Variants in LRRC49 observed in about 807,000 individuals in gnomAD.
LRRC49 encodes leucine-rich repeat-containing protein 49.
LRRC49 carries 50 observed loss-of-function variants against 83.3 expected under a neutral mutation model. The ratio of observed to expected loss-of-function variants is 0.60; its 90% CI spans 0.48 to 0.76. The LOEUF (loss-of-function observed/expected upper bound fraction) is 0.76. LRRC49 is among the 30% of genes least tolerant of loss of function. The pLI is 0.00. For synonymous variants in LRRC49, 286 were observed against 283.3 expected (o/e 1.01, Z -0.10); for missense variants, 704 against 809.1 (o/e 0.87, Z 1.58).
At position 71,053,286 on chromosome 15, in the gene LRRC49, G is replaced by C. The variant is rs2040015028; in HGVS notation, c.*3674G>C. 1 of 152,166 alleles carries C rather than the reference G, an allele frequency of 6.6e-6. No individual in the cohort carries two copies. The highest frequency in any genetic ancestry group is 1.5e-5 in the Non-Finnish European group (1 of 68,028). 9.4% of individuals were successfully genotyped at this position (152,166 alleles called of 1,614,324 possible). A position where few individuals can be genotyped will look rare whatever the true frequency, so the allele number is the denominator to read the frequency against. On this transcript the variant is annotated 3_prime_UTR_variant, in exon 16 of 16. Coordinates refer to ENST00000260382, the MANE Select transcript of LRRC49 (RefSeq NM_017691.5). Reference sequence around the variant, plus strand: ...TGACAGAACTGGATATGGAGTATGAGAAACAGTAGTCAATGATGGCCACAA... The same window carrying C: ...TGACAGAACTGGATATGGAGTATGACAAACAGTAGTCAATGATGGCCACAA...
intron 15 of LRRC49, among the ~76,000 whole-genome samples, chr15:71,045,943 C>G (rs1248238414): frequency 6.6e-6 from 1 of 152,128 alleles, no homozygotes. Flanking sequence ...GAATATGCAG[C>G]ATTTGGTTTT....
At chr15:71,016,845 C>T (rs1285434107) in intron 14 of LRRC49, among the ~76,000 whole-genome samples, 1 of 152,178 alleles carries the variant, frequency 6.6e-6, no homozygotes, top group Non-Finnish European at 1.5e-5. Context: ...GTGGCTCACG[C>T]CTGTAGTCCC....
At chr15:70,976,606 A>G (rs923431930) in intron 9 of LRRC49, among the ~76,000 whole-genome samples, 3 of 152,182 alleles carry the variant, frequency 2.0e-5, no homozygotes, top group Non-Finnish European at 4.4e-5. Context: ...GCATGGCTTA[A>G]TTGACTTGAA....
intron 2 of LRRC49, chr15:70,882,715 G>A (rs1231027588): frequency 3.1e-6 from 5 of 1,612,240 alleles, no homozygotes; most frequent in South Asian, 1.1e-5. Flanking sequence ...TTTAATATAC[G>A]AAAGATCAAT....
chr15:70,944,696 C>T (rs77151411), intron 8 of LRRC49, among the ~76,000 whole-genome samples: 2,500 of 152,258 alleles, frequency 0.016, 28 homozygotes, highest in Non-Finnish European at 0.024. Flanking sequence ...TGAGCCACTG[C>T]GCCCGGCCTA....
intron 11 of LRRC49, among the ~76,000 whole-genome samples, chr15:70,996,351 A>AT (rs1425801969): frequency 6.6e-6 from 1 of 152,124 alleles, no homozygotes; most frequent in Non-Finnish European, 1.5e-5. Context: ...TATACCTTGC[A>AT]TTTTATCTAA....
chr15:71,030,848 CTG>C (rs1383014779), intron 14 of LRRC49, among the ~76,000 whole-genome samples: 1 of 151,948 alleles, frequency 6.6e-6, no homozygotes, highest in East Asian at 1.9e-4. Context: ...AGTTCTCGTG[CTG>C]TGTTTTTCAG....
At chr15:70,914,519 G>T (rs1476398316) in intron 6 of LRRC49, among the ~76,000 whole-genome samples, 1 of 152,120 alleles carries the variant, frequency 6.6e-6, no homozygotes, top group East Asian at 1.9e-4. Flanking sequence ...CAATAATCTT[G>T]GCGAGAAGTG....
chr15:70,990,655 C>G (rs1385406950), intron 11 of LRRC49, among the ~76,000 whole-genome samples: 2 of 152,212 alleles, frequency 1.3e-5, no homozygotes, highest in Non-Finnish European at 2.9e-5. Context: ...CCTGCGCCCA[C>G]TGTCTGGCAC....
chr15:70,877,702 G>T lies in LRRC49; in HGVS notation c.18+4479G>T, dbSNP rs185060814. ...AAAGTACCCAGGAGTGAAATTGTTT[G>T]GTTGAATGATATGGGTATGTTACCT... On this transcript the variant is annotated intron_variant, in intron 2 of 16. Transcript: ENST00000544974. Among the ~76,000 whole-genome samples the T allele has an allele frequency of 1.6e-3, 250 of 152,256 alleles. 2 individuals carry two copies. Among genetic ancestry groups the T allele is most frequent in the Non-Finnish European group, 2.0e-3 (136 of 68,028 alleles).
chr15:71,003,835 C>T (rs1479120504), intron 11 of LRRC49, among the ~76,000 whole-genome samples: 1 of 152,008 alleles, frequency 6.6e-6, no homozygotes, highest in Non-Finnish European at 1.5e-5. Context: ...CACTTTCTTG[C>T]CATTGCCATT....
chr15:70,859,135 GA>G lies in LRRC49; in HGVS notation c.-299+5667del, dbSNP rs2032724437. On this transcript the variant is annotated intron_variant, in intron 1 of 16. Coordinates refer to the LRRC49 transcript ENST00000544974. Reference sequence around the variant, plus strand: ...GGAACAACAAGAACAACATGTTCCAGAGCTATATCAACAACCTTAGGTGGCA... The same window carrying G: ...GGAACAACAAGAACAACATGTTCCAGGCTATATCAACAACCTTAGGTGGCA... 5.2e-6 allele frequency: 7 copies of G among 1,355,724 alleles called. No homozygotes were observed. In the South Asian group the frequency reaches 8.1e-5, roughly 16 times the overall value. 84.0% of individuals were successfully genotyped at this position (1,355,724 alleles called of 1,614,324 possible). A position where few individuals can be genotyped will look rare whatever the true frequency, so the allele number is the denominator to read the frequency against.
intron 2 of LRRC49, chr15:70,882,700 A>G (rs770371874): frequency 8.7e-6 from 14 of 1,611,188 alleles, no homozygotes; most frequent in South Asian, 1.1e-5. Context: ...TGCTTTTCAT[A>G]TATCTTTAAT....
intron 8 of LRRC49, among the ~76,000 whole-genome samples, chr15:70,955,509 A>G (rs2036367829): frequency 1.3e-5 from 2 of 152,204 alleles, no homozygotes; most frequent in South Asian, 4.1e-4. Context: ...TCTTGCTCTT[A>G]GGGTCCCAGA....
intron 14 of LRRC49, among the ~76,000 whole-genome samples, chr15:71,024,498 C>T (rs956461480): frequency 3.9e-5 from 6 of 152,058 alleles, no homozygotes; most frequent in African/African-American, 9.7e-5. Context: ...GTGGACCCCC[C>T]ACAAACCACA....
In LRRC49 at chr15:71,014,861, A is replaced by G. The variant is rs148603201; in HGVS notation, c.1703+1948A>G. On this transcript the variant is annotated intron_variant, in intron 14 of 15. Transcript: ENST00000260382. ...AGAAAGACTATAGAGGATTTGCATA[A>G]CATAGTTAACACATTTTATCAAATA... Among the ~76,000 whole-genome samples the G allele has an allele frequency of 1.5e-3, 233 of 152,328 alleles. 3 individuals are homozygous for G. Among genetic ancestry groups the G allele is most frequent in the Non-Finnish European group, 8.5e-4 (58 of 68,026 alleles).
intron 7 of LRRC49, among the ~76,000 whole-genome samples, chr15:70,919,862 G>A (rs1028275208): frequency 4.6e-5 from 7 of 152,144 alleles, no homozygotes; most frequent in African/African-American, 1.2e-4. Context: ...AAAAGAGTTC[G>A]ATTGTGGGGG....
At chr15:70,920,412 T>G (rs2034964783) in intron 7 of LRRC49, among the ~76,000 whole-genome samples, 1 of 152,196 alleles carries the variant, frequency 6.6e-6, no homozygotes, top group Non-Finnish European at 1.5e-5. Context: ...CCTTCCCAGA[T>G]TAGATACAAT....
At chr15:70,858,287 T>C (rs571516931) in intron 1 of LRRC49, among the ~76,000 whole-genome samples, 8 of 152,210 alleles carry the variant, frequency 5.3e-5, no homozygotes, top group Non-Finnish European at 1.0e-4. Context: ...ATAGTTTCTT[T>C]TTTTCTTTTT....
Sources: gnomAD v4.1 joint callset for allele counts (sites outside exome capture counted in the v4.1 genomes callset) on GRCh38, gnomAD v4.1.1 for gene constraint, MANE v1.5 for transcripts, NCBI Gene and HGNC (gene_info 2026-07-23, HGNC 2026-07-21) for gene names.